Variants in TMEM74 observed in about 807,000 individuals in gnomAD.
TMEM74 encodes transmembrane protein 74.
TMEM74 carries 13 observed loss-of-function variants against 18.1 expected under a neutral mutation model. The observed-to-expected ratio is 0.72, with a 90% CI of 0.47 to 1.14. TMEM74 has a LOEUF of 1.14. Among genes scored for constraint, TMEM74 ranks in the 50% most tolerant of loss-of-function variants. The pLI, the probability that TMEM74 is intolerant of heterozygous loss-of-function variation, is 0.00. For missense variants in TMEM74, 372 were observed against 375.9 expected, an observed-to-expected ratio of 0.99 and a Z score of 0.09; for synonymous variants, 159 against 146.6, an observed-to-expected ratio of 1.08 and a Z score of -0.61.
chr8:108,696,868 T>A (rs1380036448), intron 1 of TMEM74, among the ~76,000 whole-genome samples: 1 of 152,246 alleles, frequency 6.6e-6, no homozygotes, highest in African/African-American at 2.4e-5. Context: ...GTTCATTTTA[T>A]CTTTTCATTA....
chr8:108,724,288 G>C (rs1451448320), intron 1 of TMEM74, among the ~76,000 whole-genome samples: 3 of 152,056 alleles, frequency 2.0e-5, no homozygotes, highest in Non-Finnish European at 4.4e-5. Flanking sequence ...TGGTTTATAG[G>C]CTTGTCTTCA....
chr8:108,756,646 GAAAGAGAA>G (rs1384587850), intron 1 of TMEM74, among the ~76,000 whole-genome samples: 2 of 53,048 alleles, frequency 3.8e-5, no homozygotes, highest in African/African-American at 1.7e-4. Flanking sequence ...AAGGAAGAAA[GAAAGAGAA>G]AGAAAGAAAG....
intron 1 of TMEM74, among the ~76,000 whole-genome samples, chr8:108,759,444 G>T (rs1376903112): frequency 6.6e-6 from 1 of 152,032 alleles, no homozygotes; most frequent in Non-Finnish European, 1.5e-5. Flanking sequence ...ATATAGAAAG[G>T]TATGTATTGC....
At chr8:108,756,695 A>AGAAAGAAAGAAAGAAGGAAG (rs1398631410) in intron 1 of TMEM74, among the ~76,000 whole-genome samples, 15 of 84,662 alleles carry the variant, frequency 1.8e-4, no homozygotes, top group African/African-American at 7.6e-4. Flanking sequence ...AAAGAAAGAA[A>AGAAAGAAAGAAAGAAGGAAG]GAAGGAAGGA....
At chr8:108,682,624 G>C (rs756563605) in intron 1 of TMEM74, among the ~76,000 whole-genome samples, 1 of 151,932 alleles carries the variant, frequency 6.6e-6, no homozygotes, top group Non-Finnish European at 1.5e-5. Context: ...TGAAGAAAAT[G>C]GTAGAGTTAG....
intron 1 of TMEM74, among the ~76,000 whole-genome samples, chr8:108,737,525 A>G (rs971814326): frequency 6.6e-6 from 1 of 152,102 alleles, no homozygotes; most frequent in African/African-American, 2.4e-5. Flanking sequence ...ATATTAAAAT[A>G]TTAAAATTCA....
At chr8:108,750,936 C>T (rs1408667237) in intron 1 of TMEM74, among the ~76,000 whole-genome samples, 1 of 152,066 alleles carries the variant, frequency 6.6e-6, no homozygotes, top group African/African-American at 2.4e-5. Context: ...AATAAACTTC[C>T]ACTCCTGCTC....
chr8:108,714,726 G>T (rs1416974890), intron 1 of TMEM74, among the ~76,000 whole-genome samples: 2 of 152,148 alleles, frequency 1.3e-5, no homozygotes, highest in South Asian at 2.1e-4. Flanking sequence ...ACATGAACTT[G>T]CATGTTCATT....
intron 1 of TMEM74, among the ~76,000 whole-genome samples, chr8:108,729,658 A>G (rs1486999098): frequency 6.6e-6 from 1 of 152,202 alleles, no homozygotes; most frequent in East Asian, 1.9e-4. Context: ...ACCTCTCAAG[A>G]AGAGAGGTAA....
chr8:108,657,862 ATATATATATATATATATAT>A lies in TMEM74; in HGVS notation n.120-2444_120-2426del, dbSNP rs1812855982. Among the ~76,000 whole-genome samples the A allele has an allele frequency of 1.4e-4, 7 of 48,448 alleles. 1 individual carries two copies. Among genetic ancestry groups the A allele is most frequent in the African/African-American group, 4.7e-4 (5 of 10,628 alleles). The allele number at this position is 48,448 out of a possible 152,430, so 31.8% of individuals were successfully genotyped here. On this transcript the variant is annotated intron_variant and non_coding_transcript_variant, in intron 1 of 3. Coordinates refer to the TMEM74 transcript ENST00000518838. The stretch of plus-strand genomic sequence containing the variant: ...CGTCTCAAAAAAAAAAAAAAAAAAT[ATATATATATATATATATAT>A]ATATATATATATATATATATATTAA...
chr8:108,728,679 G>C (rs1813664632), intron 1 of TMEM74, among the ~76,000 whole-genome samples: 3 of 152,272 alleles, frequency 2.0e-5, no homozygotes, highest in Non-Finnish European at 2.9e-5. Flanking sequence ...TTTTCCTTTT[G>C]TATAGATAAA....
chr8:108,737,673 T>G (rs1813761953), intron 1 of TMEM74, among the ~76,000 whole-genome samples: 1 of 152,118 alleles, frequency 6.6e-6, no homozygotes, highest in South Asian at 2.1e-4. Flanking sequence ...TCTCTGTAGC[T>G]GCAGGTCAAT....
chr8:108,696,562 C>A (rs536481501), intron 1 of TMEM74, among the ~76,000 whole-genome samples: 1 of 152,154 alleles, frequency 6.6e-6, no homozygotes. Context: ...TAATTACAAT[C>A]GTATTTTTTG....
At chr8:108,667,728 G>A (rs375831981) in intron 1 of TMEM74, among the ~76,000 whole-genome samples, 1 of 152,160 alleles carries the variant, frequency 6.6e-6, no homozygotes, top group African/African-American at 2.4e-5. Context: ...TATAAAAGTA[G>A]AATTCCTAGC....
chr8:108,609,269 T>G (rs1015852995), intron 2 of TMEM74, among the ~76,000 whole-genome samples: 20 of 152,368 alleles, frequency 1.3e-4, no homozygotes, highest in African/African-American at 4.8e-4. Context: ...TCATCTAAAA[T>G]AAGTTCTTTC....
intron 2 of TMEM74, among the ~76,000 whole-genome samples, chr8:108,649,913 C>T (rs1452635972): frequency 2.0e-5 from 3 of 152,132 alleles, no homozygotes; most frequent in African/African-American, 7.2e-5. Flanking sequence ...TTTGCCTCGG[C>T]TTTCATAGAC....
chr8:108,658,635 A>G (rs1812869666), intron 1 of TMEM74, among the ~76,000 whole-genome samples: 1 of 152,208 alleles, frequency 6.6e-6, no homozygotes, highest in Non-Finnish European at 1.5e-5. Flanking sequence ...TGAATGTGAG[A>G]AAGGCAGTGG....
chr8:108,721,570 C>G (rs1331871022), intron 1 of TMEM74, among the ~76,000 whole-genome samples: 1 of 152,230 alleles, frequency 6.6e-6, no homozygotes, highest in Non-Finnish European at 1.5e-5. Context: ...TTTCTCCTCC[C>G]CAGTCTCAAC....
chr8:108,747,142 C>A (rs542212287), intron 1 of TMEM74, among the ~76,000 whole-genome samples: 11 of 152,090 alleles, frequency 7.2e-5, no homozygotes, highest in African/African-American at 2.6e-4. Flanking sequence ...TGGGACTGAG[C>A]CCTCAACCTG....
Sources: allele counts gnomAD v4.1 joint callset (sites outside exome capture counted in the v4.1 genomes callset), GRCh38; gene constraint gnomAD v4.1.1; transcripts MANE v1.5; gene names NCBI Gene and HGNC (gene_info 2026-07-23, HGNC 2026-07-21).